Variants in NLRP3 observed in about 807,000 individuals in gnomAD.
The protein encoded by NLRP3 is NACHT, LRR and PYD domains-containing protein 3.
A neutral mutation model predicts 91.3 loss-of-function variants in NLRP3; 48 were observed. The ratio of observed to expected loss-of-function variants is 0.53; its 90% CI spans 0.42 to 0.67. NLRP3 has a LOEUF of 0.67. Ranked by LOEUF, NLRP3 falls within the 30% of genes least tolerant of loss-of-function variation. NLRP3 has a pLI of 0.00. For synonymous variants in NLRP3, 561 were observed against 507.9 expected, an observed-to-expected ratio of 1.10 and a Z score of -1.41; for missense variants, 982 against 1,276.9, an observed-to-expected ratio of 0.77 and a Z score of 3.52.
At chr1:247,447,409 A>G (rs1664651425) in intron 9 of NLRP3, among the ~76,000 whole-genome samples, 1 of 152,186 alleles carries the variant, frequency 6.6e-6, no homozygotes, top group African/African-American at 2.4e-5. Context: ...CAAGGGCCTC[A>G]CCTTTAAGTA....
chr1:247,443,474 G>A lies in NLRP3; in HGVS notation c.2664-498G>A, dbSNP rs144773056. Among the ~76,000 whole-genome samples, 115 of 151,912 alleles carry A rather than the reference G, an allele frequency of 7.6e-4. 1 individual carries two copies. The highest frequency in any genetic ancestry group is 2.6e-3 in the African/African-American group (109 of 41,422). ...TCACAGCCCTAGCTACAGCTTAGAA[G>A]GTCACAATGGACGTTCACCTGTTGT... On this transcript the variant is annotated intron_variant, in intron 7 of 9. Transcript: ENST00000336119.
rs574701363 is a variant in NLRP3, at chr1:247,444,169, T to A, written c.2834+27T>A. ...TAAGTCCTTTGGTTTATTACAGCAA[T>A]GAGAACACATGGTGGCCAAGGGTGG... On this transcript the variant is annotated intron_variant, in intron 8 of 9. Transcript: ENST00000336119. The A allele has an allele frequency of 1.7e-5, 28 of 1,613,190 alleles. No homozygotes were observed. The South Asian group carries it at 3.0e-4, about 17-fold the overall frequency.
chr1:247,444,230 G>A, intron 8 of NLRP3, 88 bp downstream of exon 8: 2 of 1,344,182 alleles, frequency 1.5e-6, no homozygotes, highest in East Asian at 4.6e-5. Flanking sequence ...AAGATAATCT[G>A]TATCTTAGAA....
intron 5 of NLRP3, 78 bp from the exon 6 acceptor site, chr1:247,434,025 G>C: frequency 8.6e-7 from 1 of 1,162,280 alleles, no homozygotes; most frequent in South Asian, 1.3e-5. Context: ...GATCAGGTGT[G>C]TCCTGATGCT....
In NLRP3 at chr1:247,435,964, T is replaced by A. The variant is rs769108031; in HGVS notation, c.2493-6T>A. On this transcript the variant is annotated splice_region_variant and splice_polypyrimidine_tract_variant and intron_variant, in intron 6 of 9. Transcript: ENST00000336119. ...CATGACTGACATTCTGCCATCTCTATGGAAGGTTGGTCAGCTGCTGCCTCA... is the reference window on the plus strand; with the variant it reads ...CATGACTGACATTCTGCCATCTCTAAGGAAGGTTGGTCAGCTGCTGCCTCA... 1 of 1,613,742 alleles carries A rather than the reference T, an allele frequency of 6.2e-7. No homozygotes were observed. Among genetic ancestry groups the A allele is most frequent in the Admixed American group, 1.7e-5 (1 of 60,022 alleles).
chr1:247,433,962 C>T (rs79053406), intron 5 of NLRP3, 141 bp from the exon 6 acceptor site: 17,054 of 417,326 alleles, frequency 0.041, 135 homozygotes, highest in East Asian at 0.072. Context: ...TTCTGTATTC[C>T]GGAGCTCTCT....
At position 247,434,287 on chromosome 1, in the gene NLRP3, G is replaced by A. The variant is rs373890561; in HGVS notation, c.2492+14G>A. 2.2e-5 allele frequency: 36 copies of A among 1,613,918 alleles called. 1 individual carries two copies. In the Middle Eastern group the frequency reaches 6.6e-4, roughly 30 times the overall value. ...GAAGAAGCTCTGGTGAGTCGAGCCC[G>A]TTCCCCTAAGGAAGTTCTGCCAGCG... On this transcript the variant is annotated intron_variant, in intron 6 of 9. Transcript: ENST00000336119.
At chr1:247,438,195 CCTTA>C (rs1211827494) in intron 7 of NLRP3, among the ~76,000 whole-genome samples, 1 of 152,116 alleles carries the variant, frequency 6.6e-6, no homozygotes, top group Non-Finnish European at 1.5e-5. Context: ...CCTTCCCAGT[CCTTA>C]CTTTAGTTGA....
intron 2 of NLRP3, among the ~76,000 whole-genome samples, chr1:247,422,876 T>A (rs1455981985): frequency 2.0e-5 from 3 of 152,196 alleles, no homozygotes; most frequent in Non-Finnish European, 4.4e-5. Flanking sequence ...AGCTTGGAGA[T>A]GCCCTCACAA....
rs1663609348 is a variant in NLRP3, at chr1:247,434,163, C to T, written c.2382C>T (p.Ser794=). The T allele has an allele frequency of 1.2e-6, 2 of 1,614,160 alleles. No homozygotes were observed. The highest frequency in any genetic ancestry group is 2.2e-5 in the East Asian group (1 of 44,900). ...TCGACATCTCCTTGGTCCTCAGCAG[C>T]AACCAGAAGCTGGTGGAGCTGGACC... is the stretch of plus-strand genomic sequence containing the variant. ...CCFDISLVLS[S]NQKLVELDLS... The change falls in exon 6 of 10, where the codon AGC becomes AGT. Residue 794 remains serine, a synonymous_variant. Coordinates refer to ENST00000336119, the MANE Select transcript of NLRP3 (RefSeq NM_001243133.2).
In NLRP3 at chr1:247,448,420, T is replaced by A; in HGVS notation, c.3021T>A (p.Tyr1007Ter). Residue 1007 changes from tyrosine (Y) to a stop codon, truncating the protein, a stop_gained, in exon 10 of 10, where the codon TAT becomes TAA. Coordinates refer to ENST00000336119, the MANE Select transcript of NLRP3 (RefSeq NM_001243133.2). LOFTEE classifies it high-confidence loss of function. Reference protein sequence around the residue: ...LLQNLGLSEMYFNYETKSALE... With the variant: ...LLQNLGLSEM ...GCTTTTACAGGTTGTCTGAAATGTA[T>A]TTCAATTATGAGACAAAAAGTGCGT... The A allele has an allele frequency of 6.2e-7, 1 of 1,608,610 alleles. No homozygotes were observed. The highest frequency in any genetic ancestry group is 8.5e-7 in the Non-Finnish European group (1 of 1,175,058).
At chr1:247,436,753 G>GTT (rs575609208) in intron 7 of NLRP3, among the ~76,000 whole-genome samples, 1 of 151,916 alleles carries the variant, frequency 6.6e-6, no homozygotes, top group East Asian at 1.9e-4. Context: ...TGATTTCCTT[G>GTT]TTTTTTTTGG....
rs1278737134 is a variant in NLRP3 at position 247,444,742 on chromosome 1, A to C, written c.2926A>C (p.Asn976His). The change falls in exon 9 of 10, where the codon AAC becomes CAC. Residue 976 changes from asparagine to histidine, a missense_variant. This residue lies in a region of NLRP3 where 373 missense variants were observed against 431.5 expected (regional missense o/e 0.86). Coordinates refer to ENST00000336119, the MANE Select transcript of NLRP3 (RefSeq NM_001243133.2). The stretch of plus-strand genomic sequence containing the variant: ...GAGCCTGCGAAAGCTGAGCCTGGGC[A>C]ACAATGACCTGGGCGACCTGGGGGT... Reference protein sequence around the residue: ...SQSLRKLSLGNNDLGDLGVMM... With the variant: ...SQSLRKLSLGHNDLGDLGVMM... 1 of 1,614,056 alleles carries C rather than the reference A, an allele frequency of 6.2e-7. No individual in the cohort carries two copies. Among genetic ancestry groups the C allele is most frequent in the Non-Finnish European group, 8.5e-7 (1 of 1,180,042 alleles).
chr1:247,426,363 G>A (rs1195429410), intron 4 of NLRP3, among the ~76,000 whole-genome samples: 1 of 152,170 alleles, frequency 6.6e-6, no homozygotes, highest in African/African-American at 2.4e-5. Flanking sequence ...GCAATGAAGT[G>A]GTTGAGTCAC....
Position 247,424,397 on chromosome 1 carries a change from C to G in NLRP3, c.948C>G (p.Leu316=), listed in dbSNP as rs755734299. 6.2e-7 allele frequency: 1 copy of G among 1,614,168 alleles called. No individual in the cohort carries two copies. Among genetic ancestry groups the G allele is most frequent in the East Asian group, 2.2e-5 (1 of 44,876 alleles). ...CCTTTGACGAGCACATAGGACCGCTCTGCACTGACTGGCAGAAGGCCGAGC... is the reference window on the plus strand; with the variant it reads ...CCTTTGACGAGCACATAGGACCGCTGTGCACTGACTGGCAGAAGGCCGAGC... ...QGAFDEHIGP[L]CTDWQKAERG... Residue 316 remains leucine, a synonymous_variant, in exon 4 of 10, where the codon CTC becomes CTG. Transcript: ENST00000336119. The surrounding 1 kb of genome is among the most constrained non-coding windows in gnomAD (Gnocchi z 8.1).
intron 5 of NLRP3, 107 bp from the exon 6 acceptor site, chr1:247,433,995 TC>T: frequency 1.5e-6 from 1 of 669,074 alleles, no homozygotes; most frequent in African/African-American, 2.8e-5. Context: ...TCTGATGCTT[TC>T]TCTATTCCGG....
intron 2 of NLRP3, among the ~76,000 whole-genome samples, chr1:247,422,153 A>G (rs1398154584): frequency 2.0e-5 from 3 of 152,050 alleles, no homozygotes; most frequent in African/African-American, 4.8e-5. Flanking sequence ...CCAAGATGGG[A>G]GGATTGCTTG....
Position 247,425,480 on chromosome 1 carries a change from G to C in NLRP3, c.2031G>C (p.Leu677=). 1 of 1,614,182 alleles carries C rather than the reference G, an allele frequency of 6.2e-7. No individual in the cohort carries two copies. The highest frequency in any genetic ancestry group is 8.5e-7 in the Non-Finnish European group (1 of 1,180,042). The part of the protein sequence containing the change: ...CIENCHRVES[L]SLGFLHNMPK... ...AGAACTGTCATCGGGTGGAGTCACT[G>C]TCCCTGGGGTTTCTCCATAACATGC... is the stretch of plus-strand genomic sequence containing the variant. Residue 677 remains leucine, a synonymous_variant, in exon 4 of 10, where the codon CTG becomes CTC. Transcript: ENST00000336119. This position sits in a 1 kb window ranked among gnomAD's most constrained non-coding sequence, Gnocchi z 4.1.
chr1:247,437,740 A>G lies in NLRP3; in HGVS notation c.2663+1600A>G, dbSNP rs138762431. Among the ~76,000 whole-genome samples the G allele has an allele frequency of 5.3e-5, 8 of 152,348 alleles. No homozygotes were observed. In the East Asian group the frequency reaches 7.7e-4, roughly 15 times the overall value. On this transcript the variant is annotated intron_variant, in intron 7 of 9. Transcript: ENST00000336119. ...TAACAGATAATAGACATGCTAAACAATATACCCTGTGTATAAGAGCTATAA... is the reference window on the plus strand; with the variant it reads ...TAACAGATAATAGACATGCTAAACAGTATACCCTGTGTATAAGAGCTATAA...
Sources: allele counts gnomAD v4.1 joint callset (sites outside exome capture counted in the v4.1 genomes callset), GRCh38; gene constraint gnomAD v4.1.1; regional missense constraint gnomAD v4.1.1; non-coding constraint Gnocchi (gnomAD v3.1); transcripts MANE v1.5; gene names NCBI Gene and HGNC (gene_info 2026-07-23, HGNC 2026-07-21).